The following OR2G2 variants were observed in gnomAD, a reference collection of about 807,000 sequenced individuals.
The protein encoded by OR2G2 is olfactory receptor family 2 subfamily G member 2, also known as olfactory receptor 2G2.
For synonymous variants in OR2G2, 176 were observed against 152.4 expected (o/e 1.16, Z -1.14); for missense variants, 460 against 389.7 (o/e 1.18, Z -1.52).
rs765341602 is a variant in OR2G2, at chr1:247,588,892, A to G, written c.533A>G (p.Asp178Gly). The G allele has an allele frequency of 6.2e-7, 1 of 1,614,196 alleles. No homozygotes were observed. Among genetic ancestry groups the G allele is most frequent in the East Asian group, 2.2e-5 (1 of 44,884 alleles). ...CCCTTCTGTGGGCATCGCCAAGTGG[A>G]TCATTTCATCTGCGAGGTCCCTGTG... is the stretch of plus-strand genomic sequence containing the variant. ...QLPFCGHRQV[D>G]HFICEVPVLI... The change falls in exon 1 of 1, where the codon GAT becomes GGT. Residue 178 changes from aspartate (D) to glycine (G), a missense_variant. By Grantham distance (94) the Asp-to-Gly change is moderately conservative (BLOSUM62 -1). Transcript: ENST00000320065.
In OR2G2 at chr1:247,588,377, T is replaced by C. The variant is rs201169353; in HGVS notation, c.18T>C (p.His6=). The C allele has an allele frequency of 2.7e-4, 431 of 1,606,790 alleles. 2 individuals are homozygous for C. Among genetic ancestry groups the C allele is most frequent in the Admixed American group, 3.0e-4 (18 of 59,320 alleles). MGMVR[H]TNESNLAGFI... ...CTTTACATATGGGGATGGTGAGACA[T>C]ACCAATGAGAGCAACCTAGCAGGTT... Residue 6 remains histidine, a synonymous_variant, in exon 1 of 1, where the codon CAT becomes CAC. Coordinates refer to ENST00000320065, the MANE Select transcript of OR2G2 (RefSeq NM_001001915.1).
Sources: allele counts gnomAD v4.1 joint callset, GRCh38; gene constraint gnomAD v4.1.1; transcripts MANE v1.5; gene names NCBI Gene and HGNC (gene_info 2026-07-23, HGNC 2026-07-21).